The following MDGA2 variants were observed in gnomAD, a reference collection of about 807,000 sequenced individuals.
MDGA2 encodes the protein MAM domain-containing glycosylphosphatidylinositol anchor protein 2.
MDGA2 carries 40 observed loss-of-function variants against 117.8 expected under a neutral mutation model. The ratio of observed to expected loss-of-function variants is 0.34; its 90% CI spans 0.26 to 0.44. MDGA2 has a LOEUF of 0.44. Ranked by LOEUF, MDGA2 falls within the 20% of genes least tolerant of loss-of-function variation. The pLI is 1.00. For missense variants in MDGA2, 1,123 were observed against 1,250.6 expected (o/e 0.90, Z 1.54); for synonymous variants, 452 against 439.0 (o/e 1.03, Z -0.37).
intron 1 of MDGA2, among the ~76,000 whole-genome samples, chr14:47,349,700 A>G (rs184590044): frequency 6.6e-6 from 1 of 152,362 alleles, no homozygotes; most frequent in East Asian, 1.9e-4. Flanking sequence ...TTACCTTCTA[A>G]TAATAGATTC....
At chr14:47,237,173 A>G (rs1886890273) in intron 2 of MDGA2, among the ~76,000 whole-genome samples, 1 of 152,148 alleles carries the variant, frequency 6.6e-6, no homozygotes, top group African/African-American at 2.4e-5. Context: ...TTGCTAAGGA[A>G]AAAAATCATT....
intron 2 of MDGA2, among the ~76,000 whole-genome samples, chr14:47,249,927 C>T (rs1317119034): frequency 1.3e-5 from 2 of 152,140 alleles, no homozygotes; most frequent in African/African-American, 4.8e-5. Flanking sequence ...ACTAACATGG[C>T]AAGGAAACAG....
chr14:47,646,187 A>G (rs1423358567), intron 1 of MDGA2, among the ~76,000 whole-genome samples: 2 of 151,958 alleles, frequency 1.3e-5, no homozygotes, highest in Non-Finnish European at 2.9e-5. Flanking sequence ...ATAAATATAT[A>G]CAATATACCA....
intron 1 of MDGA2, among the ~76,000 whole-genome samples, chr14:47,391,933 T>A (rs1426700346): frequency 6.6e-6 from 1 of 152,154 alleles, no homozygotes; most frequent in Non-Finnish European, 1.5e-5. Context: ...ATTATTCTCA[T>A]ATGCATCACT....
chr14:47,101,829 C>G (rs542276314), intron 5 of MDGA2, among the ~76,000 whole-genome samples: 2 of 152,184 alleles, frequency 1.3e-5, no homozygotes, highest in East Asian at 3.9e-4. Flanking sequence ...AAAAATAATA[C>G]TGAATTATGA....
chr14:47,139,454 T>A (rs1318579415), intron 4 of MDGA2, among the ~76,000 whole-genome samples: 1 of 151,956 alleles, frequency 6.6e-6, no homozygotes, highest in African/African-American at 2.4e-5. Flanking sequence ...CCTTTATATA[T>A]CAACAAACAT....
chr14:47,177,609 A>G (rs1429394226), intron 3 of MDGA2, among the ~76,000 whole-genome samples: 5 of 152,132 alleles, frequency 3.3e-5, no homozygotes, highest in African/African-American at 9.7e-5. Flanking sequence ...ATGAGAACAC[A>G]TGGACACAGG....
chr14:46,926,277 T>TGGC (rs1382780515), intron 9 of MDGA2, among the ~76,000 whole-genome samples: 1 of 152,138 alleles, frequency 6.6e-6, no homozygotes, highest in Non-Finnish European at 1.5e-5. Flanking sequence ...ATAATTTAAA[T>TGGC]GGCGGTAAGG....
intron 1 of MDGA2, among the ~76,000 whole-genome samples, chr14:47,654,521 A>G (rs931321630): frequency 5.9e-5 from 9 of 152,140 alleles, no homozygotes; most frequent in Admixed American, 2.6e-4. Context: ...ATAGCTCAAA[A>G]GAGCCACAGG....
chr14:47,507,323 GA>G lies in MDGA2; in HGVS notation c.280+167193del, dbSNP rs898732796. 4.6e-5 allele frequency among the ~76,000 whole-genome samples: 7 copies of G among 151,726 alleles called. No homozygotes were observed. In the East Asian group the frequency reaches 5.8e-4, roughly 13 times the overall value. ...AGACAGAATTATGAACATGGTTTGT[GA>G]AAAAAAATACATTCAATGGTGATTT... is the stretch of plus-strand genomic sequence containing the variant. On this transcript the variant is annotated intron_variant, in intron 1 of 16. Coordinates refer to ENST00000399232, the MANE Select transcript of MDGA2 (RefSeq NM_001113498.3).
chr14:47,339,530 GT>G (rs1338596987), intron 1 of MDGA2, among the ~76,000 whole-genome samples: 1 of 151,942 alleles, frequency 6.6e-6, no homozygotes, highest in Non-Finnish European at 1.5e-5. Flanking sequence ...TAATGAGTGA[GT>G]TCTTGGTCTG....
At chr14:47,301,576 A>G in intron 1 of MDGA2, 26 bp from the exon 2 acceptor site, 8 of 1,551,192 alleles carry the variant, frequency 5.2e-6, no homozygotes, top group Non-Finnish European at 7.0e-6. Flanking sequence ...GAAGAGAGAC[A>G]AGATACATGA....
chr14:46,932,904 A>C (rs982791943), intron 9 of MDGA2, among the ~76,000 whole-genome samples: 5 of 152,110 alleles, frequency 3.3e-5, no homozygotes, highest in Non-Finnish European at 5.9e-5. Flanking sequence ...TTCTAGAACT[A>C]ATAAGTTAGT....
At chr14:46,944,441 T>G (rs1172420692) in intron 9 of MDGA2, among the ~76,000 whole-genome samples, 1 of 151,842 alleles carries the variant, frequency 6.6e-6, no homozygotes, top group Non-Finnish European at 1.5e-5. Flanking sequence ...TTACGTGTGG[T>G]TTTCTTGTAT....
chr14:47,254,201 A>C (rs1887543775), intron 2 of MDGA2, among the ~76,000 whole-genome samples: 1 of 152,226 alleles, frequency 6.6e-6, no homozygotes, highest in Admixed American at 6.5e-5. Context: ...TTGGTGATCA[A>C]CATTTGGTTC....
chr14:47,218,335 G>T, intron 2 of MDGA2, 140 bp from the exon 3 acceptor site: 1 of 730,688 alleles, frequency 1.4e-6, no homozygotes, highest in Non-Finnish European at 2.1e-6. Flanking sequence ...AAAAATTAAT[G>T]TTTACAGACA....
chr14:47,591,421 A>G (rs35771725), intron 1 of MDGA2, among the ~76,000 whole-genome samples: 41,395 of 152,042 alleles, frequency 0.27, 6,334 homozygotes, highest in Non-Finnish European at 0.35. Context: ...ATTTAAATGG[A>G]GTGACTTCTT....
chr14:47,242,128 GAAT>G (rs1337814869), intron 2 of MDGA2, among the ~76,000 whole-genome samples: 3 of 151,804 alleles, frequency 2.0e-5, no homozygotes, highest in Non-Finnish European at 4.4e-5. Context: ...ATTTCATTTA[GAAT>G]AATTGTTCAT....
chr14:46,845,745 A>C (rs372330940), intron 16 of MDGA2, 21 bp downstream of exon 16: 1 of 1,486,582 alleles, frequency 6.7e-7, no homozygotes, highest in Non-Finnish European at 9.4e-7. Context: ...CAACAAACCA[A>C]TCTCAAGCAA....
Sources: gnomAD v4.1 joint callset for allele counts (sites outside exome capture counted in the v4.1 genomes callset) on GRCh38, gnomAD v4.1.1 for gene constraint, MANE v1.5 for transcripts, NCBI Gene and HGNC (gene_info 2026-07-23, HGNC 2026-07-21) for gene names.